The following EDIL3 variants were observed in gnomAD, a reference collection of about 807,000 sequenced individuals.
The protein encoded by EDIL3 is EGF like and discoidin domains 3, also known as EGF-like repeat and discoidin I-like domain-containing protein 3.
Under a neutral mutation model 67.4 loss-of-function variants are expected in EDIL3, and 37 were observed. The observed-to-expected ratio is 0.55, with a 90% CI of 0.42 to 0.72. The LOEUF is 0.72. Among genes scored for constraint, EDIL3 ranks in the 30% least tolerant of loss-of-function variants. The pLI is 0.00. For missense variants in EDIL3, 527 were observed against 586.3 expected, an observed-to-expected ratio of 0.90 and a Z score of 1.04; for synonymous variants, 195 against 196.3, an observed-to-expected ratio of 0.99 and a Z score of 0.05.
chr5:84,104,009 C>A (rs750498598), intron 6 of EDIL3, among the ~76,000 whole-genome samples: 7 of 152,050 alleles, frequency 4.6e-5, no homozygotes, highest in Non-Finnish European at 7.4e-5. Flanking sequence ...AAATCTGATA[C>A]ATAGACACCA....
chr5:84,117,046 G>C (rs1397614475), intron 5 of EDIL3, among the ~76,000 whole-genome samples: 1 of 7,566 alleles, frequency 1.3e-4, no homozygotes, highest in Non-Finnish European at 3.2e-4. Context: ...TTTTTTTTTT[G>C]AGACGGAGTC....
At chr5:83,989,935 T>G (rs1222089738) in intron 9 of EDIL3, among the ~76,000 whole-genome samples, 1 of 152,152 alleles carries the variant, frequency 6.6e-6, no homozygotes, top group Non-Finnish European at 1.5e-5. Flanking sequence ...AGCATCCAGC[T>G]GGCAACTAGC....
At chr5:84,036,627 G>A (rs941254607) in intron 9 of EDIL3, among the ~76,000 whole-genome samples, 1 of 152,128 alleles carries the variant, frequency 6.6e-6, no homozygotes, top group African/African-American at 2.4e-5. Context: ...AAGAAGTCCC[G>A]CATTGAGCAT....
intron 10 of EDIL3, among the ~76,000 whole-genome samples, chr5:83,959,795 C>T (rs1326967456): frequency 6.6e-6 from 1 of 150,530 alleles, no homozygotes; most frequent in Non-Finnish European, 1.5e-5. Flanking sequence ...TGAAATGATA[C>T]ATAAAATATC....
At chr5:84,205,360 A>G (rs1477950330) in intron 3 of EDIL3, among the ~76,000 whole-genome samples, 1 of 152,242 alleles carries the variant, frequency 6.6e-6, no homozygotes, top group Non-Finnish European at 1.5e-5. Context: ...AATAAAAATA[A>G]TGATGGACAG....
intron 8 of EDIL3, 149 bp from the exon 9 acceptor site, chr5:84,060,633 T>A (rs1175232309): frequency 8.0e-6 from 7 of 877,022 alleles, no homozygotes; most frequent in Admixed American, 3.4e-5. Flanking sequence ...AAAGCTATAA[T>A]CAGAAATAAA....
chr5:84,227,342 A>G (rs1744471588), intron 3 of EDIL3, among the ~76,000 whole-genome samples: 1 of 152,104 alleles, frequency 6.6e-6, no homozygotes, highest in African/African-American at 2.4e-5. Context: ...AATGCTCATC[A>G]TCACTTAACA....
chr5:84,179,386 G>A (rs978330328), intron 4 of EDIL3, among the ~76,000 whole-genome samples: 4 of 152,072 alleles, frequency 2.6e-5, no homozygotes, highest in Non-Finnish European at 4.4e-5. Context: ...TTAGATGCCC[G>A]TTGTACAAAG....
At chr5:83,966,941 T>C (rs1281930686) in intron 9 of EDIL3, among the ~76,000 whole-genome samples, 6 of 152,136 alleles carry the variant, frequency 3.9e-5, no homozygotes, top group Admixed American at 3.3e-4. Flanking sequence ...TCAGGATATA[T>C]ACAAAAATAG....
chr5:84,182,941 G>C (rs547597330), intron 3 of EDIL3, among the ~76,000 whole-genome samples: 115 of 152,134 alleles, frequency 7.6e-4, no homozygotes, highest in African/African-American at 2.7e-3. Context: ...GCCAATATTT[G>C]AGACAGGAAA....
chr5:84,135,155 C>T (rs893854170), intron 5 of EDIL3, among the ~76,000 whole-genome samples: 2 of 152,144 alleles, frequency 1.3e-5, no homozygotes, highest in African/African-American at 4.8e-5. Flanking sequence ...TCTAGGATAT[C>T]CACACCCTCA....
chr5:84,343,363 C>T (rs1486760923), intron 1 of EDIL3, among the ~76,000 whole-genome samples: 1 of 151,944 alleles, frequency 6.6e-6, no homozygotes, highest in African/African-American at 2.4e-5. Context: ...GCTATGTCCC[C>T]AAACTTCTGT....
At chr5:84,024,194 G>T (rs746833399) in intron 9 of EDIL3, among the ~76,000 whole-genome samples, 1 of 152,012 alleles carries the variant, frequency 6.6e-6, no homozygotes, top group Non-Finnish European at 1.5e-5. Flanking sequence ...ATAGAAAATC[G>T]CTCTCCAAGT....
chr5:84,070,063 T>C (rs903463777), intron 6 of EDIL3, among the ~76,000 whole-genome samples: 1 of 152,062 alleles, frequency 6.6e-6, no homozygotes, highest in Non-Finnish European at 1.5e-5. Flanking sequence ...AGGAGAGTCC[T>C]GCCGCTGAGC....
At chr5:84,093,055 C>A (rs936496905) in intron 6 of EDIL3, among the ~76,000 whole-genome samples, 1 of 152,130 alleles carries the variant, frequency 6.6e-6, no homozygotes. Flanking sequence ...CATGTGGTAC[C>A]AATGGATCAT....
At position 84,106,821 on chromosome 5, in the gene EDIL3, C is replaced by T. The variant is rs1747473481; in HGVS notation, c.479G>A (p.Gly160Asp). 6.3e-7 allele frequency: 1 copy of T among 1,597,798 alleles called. No individual in the cohort carries two copies. Among genetic ancestry groups the T allele is most frequent in the Non-Finnish European group, 8.5e-7 (1 of 1,174,326 alleles). Residue 160 changes from glycine (G) to aspartate (D), a missense_variant, in exon 6 of 11, where the codon GGC becomes GAC. Coordinates refer to ENST00000296591, the MANE Select transcript of EDIL3 (RefSeq NM_005711.5). ...MGRNCQYKCS[G>D]PLGIEGGIIS... is the part of the protein sequence containing the mutation. ...AATTCCACCTTCAATTCCCAGTGGGCCTGAGCATTCTGGAAACAAAAACAG... is the reference window on the plus strand; with the variant it reads ...AATTCCACCTTCAATTCCCAGTGGGTCTGAGCATTCTGGAAACAAAAACAG...
intron 6 of EDIL3, among the ~76,000 whole-genome samples, chr5:84,074,858 C>T (rs1746820326): frequency 6.6e-6 from 1 of 152,096 alleles, no homozygotes; most frequent in Non-Finnish European, 1.5e-5. Context: ...GGTATATGCC[C>T]AAAGGACTAT....
At chr5:84,140,788 T>C (rs373250268) in intron 4 of EDIL3, among the ~76,000 whole-genome samples, 2 of 152,180 alleles carry the variant, frequency 1.3e-5, no homozygotes, top group East Asian at 3.8e-4. Flanking sequence ...TATTTTTTAA[T>C]ACAGTAGCTA....
intron 9 of EDIL3, among the ~76,000 whole-genome samples, chr5:84,053,883 G>T (rs1746391566): frequency 6.6e-6 from 1 of 152,210 alleles, no homozygotes; most frequent in Non-Finnish European, 1.5e-5. Context: ...AGAGGTACAA[G>T]GAGGAGATGG....
Sources: gnomAD v4.1 joint callset for allele counts (sites outside exome capture counted in the v4.1 genomes callset) on GRCh38, gnomAD v4.1.1 for gene constraint, MANE v1.5 for transcripts, NCBI Gene and HGNC (gene_info 2026-07-23, HGNC 2026-07-21) for gene names.